The following NKAIN2 variants were observed in gnomAD, a reference collection of about 807,000 sequenced individuals.
The protein encoded by NKAIN2 is sodium/potassium transporting ATPase interacting 2.
In NKAIN2, 14 loss-of-function variants were observed where a neutral mutation model predicts 32.6. That is an observed-to-expected ratio of 0.43 (90% CI 0.28 to 0.67). NKAIN2 has a LOEUF of 0.67. NKAIN2 is among the 30% of genes least tolerant of loss of function. The probability of loss-of-function intolerance (pLI) is 0.17; values close to 1 mark genes in which losing one functional copy is unlikely to be tolerated. For missense variants in NKAIN2, 198 were observed against 258.3 expected (o/e 0.77, Z 1.60); for synonymous variants, 80 against 87.2 (o/e 0.92, Z 0.46).
At chr6:124,153,824 A>C (rs905951179) in intron 1 of NKAIN2, among the ~76,000 whole-genome samples, 11 of 151,562 alleles carry the variant, frequency 7.3e-5, no homozygotes, top group Admixed American at 5.9e-4. Context: ...ATTTTTCTTA[A>C]ATTATTGCAC....
intron 3 of NKAIN2, among the ~76,000 whole-genome samples, chr6:124,367,925 C>A (rs963144305): frequency 6.6e-6 from 1 of 152,006 alleles, no homozygotes; most frequent in Non-Finnish European, 1.5e-5. Flanking sequence ...ACAGTGGTGT[C>A]CATTTTTTAA....
intron 3 of NKAIN2, among the ~76,000 whole-genome samples, chr6:124,648,347 G>A (rs1364593804): frequency 1.3e-5 from 2 of 152,192 alleles, no homozygotes; most frequent in Non-Finnish European, 2.9e-5. Context: ...ATGTCCTTGA[G>A]AAAGACATTC....
chr6:123,999,860 G>C lies in NKAIN2; in HGVS notation c.54+195606G>C, dbSNP rs543152658. ...CAGGGTCCTTGGGATTTCTGCCTCT[G>C]TTTCTTTGTCTTCCTATATTTAGTT... On this transcript the variant is annotated intron_variant, in intron 1 of 6. Coordinates refer to ENST00000368417, the MANE Select transcript of NKAIN2 (RefSeq NM_001040214.3). 5.3e-5 allele frequency among the ~76,000 whole-genome samples: 8 copies of C among 152,064 alleles called. 1 individual carries two copies. Among genetic ancestry groups the C allele is most frequent in the African/African-American group, 1.9e-4 (8 of 41,512 alleles).
intron 1 of NKAIN2, among the ~76,000 whole-genome samples, chr6:123,981,304 AC>A (rs1256888836): frequency 6.6e-6 from 1 of 152,190 alleles, no homozygotes; most frequent in Non-Finnish European, 1.5e-5. Context: ...GTATGCATAT[AC>A]TTTAATTTAT....
intron 1 of NKAIN2, among the ~76,000 whole-genome samples, chr6:124,049,068 T>A (rs755283833): frequency 6.6e-6 from 1 of 152,070 alleles, no homozygotes; most frequent in Non-Finnish European, 1.5e-5. Context: ...TTTATTATAG[T>A]CAACATTGAT....
At chr6:123,996,449 G>A (rs1433187416) in intron 1 of NKAIN2, among the ~76,000 whole-genome samples, 1 of 152,026 alleles carries the variant, frequency 6.6e-6, no homozygotes, top group East Asian at 1.9e-4. Context: ...GTTGGAAATT[G>A]AAAGTTAGCT....
At chr6:124,374,306 T>C (rs1202588712) in intron 3 of NKAIN2, among the ~76,000 whole-genome samples, 1 of 151,768 alleles carries the variant, frequency 6.6e-6, no homozygotes, top group Non-Finnish European at 1.5e-5. Flanking sequence ...AAAGAGAGTT[T>C]TGAAAAAAAA....
intron 2 of NKAIN2, among the ~76,000 whole-genome samples, chr6:124,292,921 G>T (rs1373667654): frequency 6.6e-6 from 1 of 152,024 alleles, no homozygotes; most frequent in Non-Finnish European, 1.5e-5. Context: ...TTATTAGGAA[G>T]ATTTAGTTGA....
intron 3 of NKAIN2, among the ~76,000 whole-genome samples, chr6:124,530,568 G>A (rs2114819484): frequency 6.6e-6 from 1 of 152,228 alleles, no homozygotes; most frequent in South Asian, 2.1e-4. Flanking sequence ...CTGTGCAAGG[G>A]TCAACTGTGT....
intron 1 of NKAIN2, among the ~76,000 whole-genome samples, chr6:124,224,074 A>G (rs902121698): frequency 5.3e-5 from 8 of 152,182 alleles, no homozygotes; most frequent in African/African-American, 1.9e-4. Context: ...CAAGAACAAG[A>G]TGACAACTGA....
chr6:124,751,364 A>C (rs972663258), intron 4 of NKAIN2, among the ~76,000 whole-genome samples: 2 of 151,988 alleles, frequency 1.3e-5, no homozygotes, highest in African/African-American at 4.8e-5. Flanking sequence ...TGTAAAGTAA[A>C]TGCTTAAAGA....
intron 3 of NKAIN2, among the ~76,000 whole-genome samples, chr6:124,570,196 AG>A (rs1015192416): frequency 6.6e-6 from 1 of 152,216 alleles, no homozygotes; most frequent in African/African-American, 2.4e-5. Flanking sequence ...TGCTGTTAAA[AG>A]TATTCCATTT....
In NKAIN2 at chr6:123,962,684, G is replaced by A. The variant is rs138375776; in HGVS notation, c.54+158430G>A. On this transcript the variant is annotated intron_variant, in intron 1 of 6. Transcript: ENST00000368417. ...GCCTTCCAGTGCAGCATGACTCAGC[G>A]GATTTGCAGCACAGGTGCACAACCC... 3.5e-4 allele frequency among the ~76,000 whole-genome samples: 53 copies of A among 152,224 alleles called. No homozygotes were observed. The East Asian group carries it at 7.2e-3, about 21-fold the overall frequency.
intron 1 of NKAIN2, among the ~76,000 whole-genome samples, chr6:123,874,420 C>G (rs765717880): frequency 3.3e-5 from 5 of 151,986 alleles, no homozygotes; most frequent in Admixed American, 6.6e-5. Flanking sequence ...AGAAGCATGC[C>G]GGCTTGTTTA....
intron 3 of NKAIN2, among the ~76,000 whole-genome samples, chr6:124,361,610 A>G (rs1799291551): frequency 6.6e-6 from 1 of 152,072 alleles, no homozygotes; most frequent in Non-Finnish European, 1.5e-5. Context: ...AACTCCTAGA[A>G]AGCTGTCATA....
chr6:124,714,547 TTG>T (rs1775658935), intron 4 of NKAIN2, among the ~76,000 whole-genome samples: 1 of 152,154 alleles, frequency 6.6e-6, no homozygotes, highest in African/African-American at 2.4e-5. Context: ...AAAACAACAT[TTG>T]TGTGTGGCAG....
At chr6:123,912,285 A>G (rs1375166322) in intron 1 of NKAIN2, among the ~76,000 whole-genome samples, 1 of 151,954 alleles carries the variant, frequency 6.6e-6, no homozygotes, top group East Asian at 1.9e-4. Flanking sequence ...ATCTAATATG[A>G]TAATTTATGT....
At chr6:124,767,588 T>C (rs1475973626) in intron 4 of NKAIN2, among the ~76,000 whole-genome samples, 1 of 152,180 alleles carries the variant, frequency 6.6e-6, no homozygotes, top group East Asian at 1.9e-4. Context: ...TCAGCTCTAT[T>C]TTTTTTCTCC....
intron 1 of NKAIN2, among the ~76,000 whole-genome samples, chr6:123,858,113 T>C (rs1775629482): frequency 6.6e-6 from 1 of 151,344 alleles, no homozygotes; most frequent in South Asian, 2.1e-4. Flanking sequence ...CTAACATTAT[T>C]ATTATTATTT....
Sources: allele counts gnomAD v4.1 joint callset (sites outside exome capture counted in the v4.1 genomes callset), GRCh38; gene constraint gnomAD v4.1.1; transcripts MANE v1.5; gene names NCBI Gene and HGNC (gene_info 2026-07-23, HGNC 2026-07-21).